The following ABTB3 variants were observed in gnomAD, a reference collection of about 807,000 sequenced individuals.
ABTB3 encodes the protein ankyrin repeat and BTB domain containing 3, also known as ankyrin repeat- and BTB/POZ domain-containing protein 3.
At chr12:107,472,425 G>A in the ABTB3 span, among the ~76,000 whole-genome samples, 2 of 152,176 alleles carry the variant, frequency 1.3e-5, no homozygotes, top group African/African-American at 4.8e-5. Context: ...GCTATAGGGA[G>A]AGGGTCAAAA....
the ABTB3 span, chr12:107,580,635 C>A: frequency 2.7e-6 from 1 of 369,498 alleles, no homozygotes; most frequent in Non-Finnish European, 4.9e-6. Flanking sequence ...GTTGCCTGGG[C>A]AGAGCTGAAG....
At chr12:107,421,432 A>G in the ABTB3 span, among the ~76,000 whole-genome samples, 11 of 152,172 alleles carry the variant, frequency 7.2e-5, no homozygotes, top group Non-Finnish European at 1.5e-4. Flanking sequence ...AGAAGGGAGC[A>G]CCCGCTCTGT....
the ABTB3 span, among the ~76,000 whole-genome samples, chr12:107,524,324 G>T: frequency 1.3e-5 from 2 of 152,148 alleles, no homozygotes; most frequent in Non-Finnish European, 2.9e-5. Flanking sequence ...ATTTAGATTG[G>T]CTTGCTTTGT....
chr12:107,513,432 C>T, the ABTB3 span, among the ~76,000 whole-genome samples: 1 of 152,096 alleles, frequency 6.6e-6, no homozygotes, highest in African/African-American at 2.4e-5. Flanking sequence ...TGAGTCCTCA[C>T]GAGATCTGAT....
At chr12:107,655,972 C>G in the ABTB3 span, among the ~76,000 whole-genome samples, 204 of 152,190 alleles carry the variant, frequency 1.3e-3, no homozygotes, top group African/African-American at 4.3e-3. Flanking sequence ...TTCCTAGGAG[C>G]TGTATTCATC....
At chr12:107,451,052 G>A in the ABTB3 span, among the ~76,000 whole-genome samples, 2 of 151,996 alleles carry the variant, frequency 1.3e-5, no homozygotes, top group African/African-American at 4.8e-5. Flanking sequence ...TAGAAACGGT[G>A]CCCTTTTGCA....
the ABTB3 span, among the ~76,000 whole-genome samples, chr12:107,529,240 T>C: frequency 6.7e-6 from 1 of 150,362 alleles, no homozygotes; most frequent in South Asian, 2.1e-4. Context: ...GTGATAATGA[T>C]GGAGATGATG....
the ABTB3 span, among the ~76,000 whole-genome samples, chr12:107,569,672 A>G: frequency 3.9e-5 from 6 of 152,372 alleles, no homozygotes; most frequent in African/African-American, 1.4e-4. Context: ...CAGGAGAAAC[A>G]GAGATATAAC....
chr12:107,617,488 T>C, the ABTB3 span: 1 of 1,602,894 alleles, frequency 6.2e-7, no homozygotes, highest in Non-Finnish European at 8.5e-7. Flanking sequence ...TTGTTAAAAA[T>C]GCAGATTCCC....
chr12:107,533,693 C>G, the ABTB3 span, among the ~76,000 whole-genome samples: 2 of 152,124 alleles, frequency 1.3e-5, no homozygotes, highest in Non-Finnish European at 2.9e-5. Context: ...CTTCAACAGC[C>G]CACTTTCAGT....
the ABTB3 span, among the ~76,000 whole-genome samples, chr12:107,346,372 G>T: frequency 1.3e-5 from 2 of 152,188 alleles, no homozygotes; most frequent in African/African-American, 4.8e-5. Context: ...ATGGCCCCTT[G>T]TGATGGTCCA....
At chr12:107,506,614 T>C in the ABTB3 span, among the ~76,000 whole-genome samples, 2 of 152,194 alleles carry the variant, frequency 1.3e-5, no homozygotes, top group Non-Finnish European at 2.9e-5. Flanking sequence ...AGCTTTGACA[T>C]TGGTCAGGGA....
At chr12:107,600,675 C>T in the ABTB3 span, among the ~76,000 whole-genome samples, 1 of 152,258 alleles carries the variant, frequency 6.6e-6, no homozygotes, top group African/African-American at 2.4e-5. Context: ...GTGACTTTTC[C>T]TCTCACACAG....
the ABTB3 span, among the ~76,000 whole-genome samples, chr12:107,399,389 C>A: frequency 6.6e-6 from 1 of 152,164 alleles, no homozygotes; most frequent in Non-Finnish European, 1.5e-5. Flanking sequence ...CAGCACCCCA[C>A]CCCCCAAACC....
the ABTB3 span, among the ~76,000 whole-genome samples, chr12:107,556,640 A>G: frequency 6.6e-5 from 10 of 152,330 alleles, no homozygotes; most frequent in East Asian, 1.9e-3. Context: ...TCTTGCCTTA[A>G]TGTACATCGC....
chr12:107,612,413 G>A, the ABTB3 span, among the ~76,000 whole-genome samples: 2 of 152,192 alleles, frequency 1.3e-5, no homozygotes, highest in Non-Finnish European at 2.9e-5. Flanking sequence ...GATAAATGGT[G>A]TTTACCAATG....
the ABTB3 span, among the ~76,000 whole-genome samples, chr12:107,365,235 A>G: frequency 2.0e-5 from 3 of 152,158 alleles, no homozygotes; most frequent in African/African-American, 4.8e-5. Context: ...TGTTTGCAAA[A>G]CGTGATACAA....
the ABTB3 span, among the ~76,000 whole-genome samples, chr12:107,526,163 C>T: frequency 6.6e-6 from 1 of 152,252 alleles, no homozygotes; most frequent in Non-Finnish European, 1.5e-5. Flanking sequence ...CTTAATGAAA[C>T]TCAGTCAGAT....
At chr12:107,409,199 C>A in the ABTB3 span, among the ~76,000 whole-genome samples, 1 of 152,192 alleles carries the variant, frequency 6.6e-6, no homozygotes, top group Non-Finnish European at 1.5e-5. Context: ...AGAGCCCAGG[C>A]CCCATGGAAG....
Sources: gnomAD v4.1 joint callset for allele counts (sites outside exome capture counted in the v4.1 genomes callset) on GRCh38, gnomAD v4.1.1 for gene constraint, MANE v1.5 for transcripts, NCBI Gene and HGNC (gene_info 2026-07-23, HGNC 2026-07-21) for gene names.